Variants in PPM1L observed in about 807,000 individuals in gnomAD.
PPM1L encodes the protein protein phosphatase 1L.
Under a neutral mutation model 31.4 loss-of-function variants are expected in PPM1L, and 13 were observed. The observed-to-expected ratio is 0.41, with a 90% CI of 0.27 to 0.66. The LOEUF (loss-of-function observed/expected upper bound fraction) is 0.66. PPM1L is among the 30% of genes least tolerant of loss of function. PPM1L has a pLI of 0.29. For missense variants in PPM1L, 326 were observed against 453.7 expected (o/e 0.72, Z 2.56); for synonymous variants, 184 against 175.4 (o/e 1.05, Z -0.39).
At chr3:160,869,550 C>T (rs150382134) in intron 1 of PPM1L, among the ~76,000 whole-genome samples, 75 of 152,072 alleles carry the variant, frequency 4.9e-4, no homozygotes, top group African/African-American at 1.7e-3. Flanking sequence ...TATTTTTTGT[C>T]ATATAGAAAT....
intron 2 of PPM1L, among the ~76,000 whole-genome samples, chr3:161,006,512 T>C (rs1329867840): frequency 6.6e-6 from 1 of 152,138 alleles, no homozygotes; most frequent in Admixed American, 6.6e-5. Flanking sequence ...TTTTTTACCA[T>C]AATAAAAGAT....
chr3:160,931,511 A>G (rs1425905812), intron 1 of PPM1L, among the ~76,000 whole-genome samples: 3 of 152,240 alleles, frequency 2.0e-5, no homozygotes, highest in Non-Finnish European at 4.4e-5. Flanking sequence ...TGGGGGAAAC[A>G]AGACATCACA....
At chr3:160,818,743 A>G (rs1048637705) in intron 1 of PPM1L, among the ~76,000 whole-genome samples, 3 of 152,020 alleles carry the variant, frequency 2.0e-5, no homozygotes, top group Middle Eastern at 3.4e-3. Flanking sequence ...ATACTTATGT[A>G]TGGGGTATAC....
intron 1 of PPM1L, among the ~76,000 whole-genome samples, chr3:160,762,377 C>T (rs1460485944): frequency 1.3e-5 from 2 of 152,108 alleles, no homozygotes; most frequent in Admixed American, 1.3e-4. Flanking sequence ...ATGTAGGAAC[C>T]TGACTGCTGA....
intron 1 of PPM1L, among the ~76,000 whole-genome samples, chr3:160,862,705 A>ACACACACACAC (rs1560130395): frequency 3.2e-4 from 27 of 84,024 alleles, no homozygotes; most frequent in South Asian, 2.7e-3. Context: ...CACACACACA[A>ACACACACACAC]AATTCTGAAA....
At chr3:160,833,261 T>G (rs1576660118) in intron 1 of PPM1L, among the ~76,000 whole-genome samples, 1 of 152,334 alleles carries the variant, frequency 6.6e-6, no homozygotes, top group East Asian at 1.9e-4. Context: ...ATAGAATGAT[T>G]TAAATTCCTT....
chr3:160,853,483 G>A (rs1414738294), intron 1 of PPM1L, among the ~76,000 whole-genome samples: 2 of 151,850 alleles, frequency 1.3e-5, no homozygotes, highest in Non-Finnish European at 2.9e-5. Flanking sequence ...ATGCTATGAT[G>A]GACTGCATAA....
In PPM1L at chr3:160,828,611, G is replaced by T. The variant is rs573735642; in HGVS notation, c.399+71904G>T. 5.3e-5 allele frequency among the ~76,000 whole-genome samples: 8 copies of T among 152,264 alleles called. No homozygotes were observed. The South Asian group carries it at 1.7e-3, about 32-fold the overall frequency. On this transcript the variant is annotated intron_variant, in intron 1 of 3. Transcript: ENST00000498165. Reference sequence around the variant, plus strand: ...AAGGGGCTAGCAAGTATTGCTGGGGGTGGGTAGAGACTGCAGGTTTTGGTA... The same window carrying T: ...AAGGGGCTAGCAAGTATTGCTGGGGTTGGGTAGAGACTGCAGGTTTTGGTA...
intron 1 of PPM1L, among the ~76,000 whole-genome samples, chr3:160,872,641 T>G (rs967048560): frequency 1.3e-5 from 2 of 152,190 alleles, no homozygotes; most frequent in Non-Finnish European, 2.9e-5. Context: ...TATAAAGATA[T>G]TAGGGCTGGG....
chr3:161,022,154 G>A (rs1266403707), intron 2 of PPM1L: 4 of 648,062 alleles, frequency 6.2e-6, no homozygotes, highest in African/African-American at 1.9e-5. Context: ...TTTACCCTTA[G>A]TTACTTTTTG....
At chr3:160,880,281 A>G (rs894883000) in intron 1 of PPM1L, among the ~76,000 whole-genome samples, 1 of 152,166 alleles carries the variant, frequency 6.6e-6, no homozygotes, top group Non-Finnish European at 1.5e-5. Flanking sequence ...CCAAAAGCAA[A>G]TAGGAAACAT....
intron 2 of PPM1L, among the ~76,000 whole-genome samples, chr3:161,039,807 C>T (rs1370415552): frequency 1.1e-4 from 17 of 152,284 alleles, no homozygotes; most frequent in South Asian, 1.0e-3. Flanking sequence ...TGAGCCACTG[C>T]GCCCGGCCAT....
chr3:160,974,320 C>T (rs954591972), intron 2 of PPM1L, among the ~76,000 whole-genome samples: 74 of 151,686 alleles, frequency 4.9e-4, no homozygotes, highest in African/African-American at 1.5e-3. Context: ...TGAATAATGC[C>T]GCAATAAACA....
At chr3:161,034,008 C>T (rs1718659329) in intron 2 of PPM1L, among the ~76,000 whole-genome samples, 1 of 152,122 alleles carries the variant, frequency 6.6e-6, no homozygotes, top group African/African-American at 2.4e-5. Flanking sequence ...AAAAAGCAAA[C>T]AACCCCATCA....
intron 2 of PPM1L, among the ~76,000 whole-genome samples, chr3:160,989,977 TTTTTGTTTTG>T (rs71628438): frequency 2.5e-4 from 36 of 146,574 alleles, no homozygotes; most frequent in Non-Finnish European, 4.6e-4. Flanking sequence ...AGCAACGTTG[TTTTTGTTTTG>T]TTTTGTTTTG....
At chr3:160,758,725 G>T (rs1332593729) in intron 1 of PPM1L, among the ~76,000 whole-genome samples, 4 of 152,142 alleles carry the variant, frequency 2.6e-5, no homozygotes, top group Non-Finnish European at 5.9e-5. Context: ...AAAGGGACAC[G>T]ATAAATGCTT....
intron 2 of PPM1L, among the ~76,000 whole-genome samples, chr3:160,974,446 C>A (rs1221909784): frequency 6.6e-6 from 1 of 151,040 alleles, no homozygotes; most frequent in African/African-American, 2.4e-5. Context: ...GGAATCGCCA[C>A]ACTGACTTCC....
At chr3:160,798,206 AT>A (rs200308623) in intron 1 of PPM1L, among the ~76,000 whole-genome samples, 3 of 152,082 alleles carry the variant, frequency 2.0e-5, no homozygotes, top group African/African-American at 7.2e-5. Context: ...ACAAACAAAA[AT>A]GCCAGGTGAA....
chr3:161,026,411 G>C (rs1301470159), intron 2 of PPM1L, among the ~76,000 whole-genome samples: 1 of 152,160 alleles, frequency 6.6e-6, no homozygotes, highest in Admixed American at 6.5e-5. Flanking sequence ...AATAAAAGTT[G>C]ACGGCCGGGC....
Sources: gnomAD v4.1 joint callset for allele counts (sites outside exome capture counted in the v4.1 genomes callset) on GRCh38, gnomAD v4.1.1 for gene constraint, MANE v1.5 for transcripts, NCBI Gene and HGNC (gene_info 2026-07-23, HGNC 2026-07-21) for gene names.